Variants in TMEM125 observed in about 807,000 individuals in gnomAD.
The protein encoded by TMEM125 is transmembrane protein 125.
TMEM125 carries 11 observed loss-of-function variants against 8.7 expected under a neutral mutation model. That is an observed-to-expected ratio of 1.26 (90% confidence interval 0.79 to 2.08). The LOEUF (loss-of-function observed/expected upper bound fraction) is 2.08. Among genes scored for constraint, TMEM125 ranks in the 30% most tolerant of loss-of-function variants. TMEM125 has a pLI of 0.00. For synonymous variants in TMEM125, 144 were observed against 146.1 expected (o/e 0.99, Z 0.10); for missense variants, 270 against 302.4 (o/e 0.89, Z 0.79).
rs1189149039 is a variant in TMEM125, at chr1:43,272,865, G to C, written c.143G>C (p.Cys48Ser). The C allele has an allele frequency of 2.5e-6, 4 of 1,583,204 alleles. No individual in the cohort carries two copies. The Admixed American group carries it at 7.1e-5, about 28-fold the overall frequency. Residue 48 changes from cysteine (C) to serine (S), a missense_variant, in exon 4 of 4, where the codon TGT (cysteine) becomes TCT (serine). By Grantham distance (112) the Cys-to-Ser change is moderately radical (BLOSUM62 -1). Around this residue, in one of 3 missense-constraint regions of TMEM125, gnomAD observed 215 missense variants for 216.5 expected, o/e 0.99. Transcript: ENST00000439858. The surrounding 1 kb of genome is among the most constrained non-coding windows in gnomAD (Gnocchi z 5.0). ...FVVAVGLVAG[C>S]GAGGVALLST... is the part of the protein sequence containing the mutation. ...GTGGCCGTGGGCCTCGTGGCAGGCT[G>C]TGGCGCGGGCGGCGTGGCACTGCTG...
rs949272995 is a variant in TMEM125 at position 43,270,527 on chromosome 1, G to A, written c.-414-154G>A. On this transcript the variant is annotated intron_variant, in intron 1 of 3. Transcript: ENST00000439858. ...TAGACGACATTCCTCCTGCTGCCCA[G>A]GTCTGCGAATTGTGTTCCGAGCCCT... 9.2e-5 allele frequency: 14 copies of A among 152,418 alleles called. 1 individual carries two copies. Among genetic ancestry groups the A allele is most frequent in the Admixed American group, 9.2e-4 (14 of 15,280 alleles). 9.4% of individuals were successfully genotyped at this position (152,418 alleles called of 1,614,324 possible).
At chr1:43,270,939 G>C (rs917820110) in intron 2 of TMEM125, 146 bp downstream of exon 2, 5 of 151,992 alleles carry the variant, frequency 3.3e-5, no homozygotes, top group African/African-American at 1.2e-4. Flanking sequence ...CGAAGTCACA[G>C]CCCAGGGGAA....
Position 43,273,305 on chromosome 1 carries a change from A to G in TMEM125, c.583A>G (p.Ser195Gly). The G allele has an allele frequency of 6.2e-7, 1 of 1,613,998 alleles. No individual in the cohort carries two copies. ...CCACAGTGGCCATGGCGGCCATGGC[A>G]GCATCTTCAGCATCTCAGGACAGTT... ...STHSGHGGHG[S>G]IFSISGQLSA... The change falls in exon 4 of 4, where the codon AGC (serine) becomes GGC (glycine). Residue 195 changes from serine (S) to glycine (G), a missense_variant. Transcript: ENST00000439858.
chr1:43,270,287 G>A (rs1646481767), intron 1 of TMEM125, among the ~76,000 whole-genome samples: 1 of 151,708 alleles, frequency 6.6e-6, no homozygotes, highest in Non-Finnish European at 1.5e-5. Context: ...CAGATTAGGG[G>A]TTGGATTTGG....
rs183608733 is a variant in TMEM125 at position 43,271,411 on chromosome 1, C to T, written c.-302+618C>T. Among the ~76,000 whole-genome samples, 784 of 152,336 alleles carry T rather than the reference C, an allele frequency of 5.1e-3. 7 individuals carry two copies. The highest frequency in any genetic ancestry group is 7.3e-3 in the Non-Finnish European group (498 of 68,028). ...CTCTGGGCTGACTAACCCACACCCA[C>T]ACTTAGCACAGGCACTGGCCTGCTT... is the stretch of plus-strand genomic sequence containing the variant. On this transcript the variant is annotated intron_variant, in intron 2 of 3. Transcript: ENST00000439858. This position sits in a 1 kb window ranked among gnomAD's most constrained non-coding sequence, Gnocchi z 4.9.
At position 43,272,841 on chromosome 1, in the gene TMEM125, T is replaced by C; in HGVS notation, c.119T>C (p.Val40Ala). ...QPRRSALCFV[V>A]AVGLVAGCGA... Reference sequence around the variant, plus strand: ...CGGCGCTCGGCGCTCTGCTTCGTCGTGGCCGTGGGCCTCGTGGCAGGCTGT... The same window carrying C: ...CGGCGCTCGGCGCTCTGCTTCGTCGCGGCCGTGGGCCTCGTGGCAGGCTGT... Residue 40 changes from valine to alanine, a missense_variant, in exon 4 of 4, where the codon GTG becomes GCG. Coordinates refer to ENST00000439858, the MANE Select transcript of TMEM125 (RefSeq NM_144626.3). The surrounding 1 kb of genome is among the most constrained non-coding windows in gnomAD (Gnocchi z 5.0). 1.3e-6 allele frequency: 2 copies of C among 1,577,318 alleles called. No homozygotes were observed. Among genetic ancestry groups the C allele is most frequent in the Non-Finnish European group, 1.7e-6 (2 of 1,158,724 alleles).
At position 43,272,445 on chromosome 1, in the gene TMEM125, C is replaced by A; in HGVS notation, c.-146+106C>A. 1 of 357,092 alleles carries A rather than the reference C, an allele frequency of 2.8e-6. No homozygotes were observed. The highest frequency in any genetic ancestry group is 4.5e-5 in the East Asian group (1 of 22,410). 22.1% of individuals were successfully genotyped at this position (357,092 alleles called of 1,614,324 possible). On this transcript the variant is annotated intron_variant, in intron 3 of 3. Transcript: ENST00000439858. This position sits in a 1 kb window ranked among gnomAD's most constrained non-coding sequence, Gnocchi z 5.0. ...GAGCCATTCCCAAGGGACAGTACTG[C>A]AGAGGGGGCTATCCCAGGGGAGATT...
Position 43,273,616 on chromosome 1 carries a change from T to G in TMEM125, c.*234T>G. The stretch of plus-strand genomic sequence containing the variant: ...AACTGGGTGTTGGTGTCCATGGAAC[T>G]TCCTCTCTGTATCTCAGGTCAGTAG... On this transcript the variant is annotated 3_prime_UTR_variant, in exon 4 of 4. Transcript: ENST00000439858. The G allele has an allele frequency of 3.4e-6, 2 of 596,568 alleles. No individual in the cohort carries two copies. The highest frequency in any genetic ancestry group is 2.9e-5 in the East Asian group (1 of 34,456). 37.0% of individuals were successfully genotyped at this position (596,568 alleles called of 1,614,324 possible). A position where few individuals can be genotyped will look rare whatever the true frequency, so the allele number is the denominator to read the frequency against.
Position 43,273,037 on chromosome 1 carries a change from G to A in TMEM125, c.315G>A (p.Leu105=), listed in dbSNP as rs753289487. 1 of 1,612,234 alleles carries A rather than the reference G, an allele frequency of 6.2e-7. No individual in the cohort carries two copies. The highest frequency in any genetic ancestry group is 8.5e-7 in the Non-Finnish European group (1 of 1,178,842). ...NCIRQAHHVA[L]LRSGGGADAL... ...TCCGCCAGGCCCACCATGTGGCCCT[G>A]CTGCGCAGTGGTGGAGGGGCCGACG... is the stretch of plus-strand genomic sequence containing the variant. Residue 105 remains leucine, a synonymous_variant, in exon 4 of 4, where the codon CTG becomes CTA. Transcript: ENST00000439858.
At position 43,271,470 on chromosome 1, in the gene TMEM125, C is replaced by G. The variant is rs1646490550; in HGVS notation, c.-302+677C>G. On this transcript the variant is annotated intron_variant, in intron 2 of 3. Transcript: ENST00000439858. This position sits in a 1 kb window ranked among gnomAD's most constrained non-coding sequence, Gnocchi z 4.9. ...CTCTGTCTTCTGCTGCAGACTGGGG[C>G]TCCTTGAAGGCAGGGACCTCATGTG... is the stretch of plus-strand genomic sequence containing the variant. 6.6e-6 allele frequency among the ~76,000 whole-genome samples: 1 copy of G among 152,226 alleles called. No individual in the cohort carries two copies. The highest frequency in any genetic ancestry group is 2.1e-4 in the South Asian group (1 of 4,834).
rs1646496258 is a variant in TMEM125 at position 43,272,335 on chromosome 1, G to A, written c.-150G>A. ...CCAGCGACTGAGAGAGCCAGAGGCA[G>A]AGAGGTCAGGGCCTGGGTGAGGGGA... On this transcript the variant is annotated 5_prime_UTR_variant, in exon 3 of 4. Transcript: ENST00000439858. This position sits in a 1 kb window ranked among gnomAD's most constrained non-coding sequence, Gnocchi z 5.0. 1.2e-5 allele frequency: 2 copies of A among 166,448 alleles called. No individual in the cohort carries two copies. Among genetic ancestry groups the A allele is most frequent in the South Asian group, 4.0e-4 (2 of 4,968 alleles). 10.3% of individuals were successfully genotyped at this position (166,448 alleles called of 1,614,324 possible).
chr1:43,272,438 A>C lies in TMEM125; in HGVS notation c.-146+99A>C. 3 of 311,944 alleles carry C rather than the reference A, an allele frequency of 9.6e-6. No individual in the cohort carries two copies. 19.3% of individuals were successfully genotyped at this position (311,944 alleles called of 1,614,324 possible). On this transcript the variant is annotated intron_variant, in intron 3 of 3. Coordinates refer to ENST00000439858, the MANE Select transcript of TMEM125 (RefSeq NM_144626.3). This position sits in a 1 kb window ranked among gnomAD's most constrained non-coding sequence, Gnocchi z 5.0. ...CATTGGAGAGCCATTCCCAAGGGAC[A>C]GTACTGCAGAGGGGGCTATCCCAGG...
rs1646511890 is a variant in TMEM125, at chr1:43,273,693, T to C, written c.*311T>C. 1 of 429,948 alleles carries C rather than the reference T, an allele frequency of 2.3e-6. No individual in the cohort carries two copies. The highest frequency in any genetic ancestry group is 2.0e-5 in the African/African-American group (1 of 50,106). 26.6% of individuals were successfully genotyped at this position (429,948 alleles called of 1,614,324 possible). A position where few individuals can be genotyped will look rare whatever the true frequency, so the allele number is the denominator to read the frequency against. The stretch of plus-strand genomic sequence containing the variant: ...TCTTGAGCCCCATTTCCAAGACCCC[T>C]CACATCCAATCCTGTCCTGTAACAT... On this transcript the variant is annotated 3_prime_UTR_variant, in exon 4 of 4. Coordinates refer to ENST00000439858, the MANE Select transcript of TMEM125 (RefSeq NM_144626.3).
At position 43,273,699 on chromosome 1, in the gene TMEM125, C is replaced by T. The variant is rs1313361055; in HGVS notation, c.*317C>T. On this transcript the variant is annotated 3_prime_UTR_variant, in exon 4 of 4. Coordinates refer to ENST00000439858, the MANE Select transcript of TMEM125 (RefSeq NM_144626.3). ...GCCCCATTTCCAAGACCCCTCACAT[C>T]CAATCCTGTCCTGTAACATCCATCA... 4.9e-6 allele frequency: 2 copies of T among 407,688 alleles called. No individual in the cohort carries two copies. The highest frequency in any genetic ancestry group is 9.4e-6 in the Non-Finnish European group (2 of 212,956). The allele number at this position is 407,688 out of a possible 1,614,324, so 25.3% of individuals were successfully genotyped here. A position where few individuals can be genotyped will look rare whatever the true frequency, so the allele number is the denominator to read the frequency against.
chr1:43,273,341 C>G lies in TMEM125; in HGVS notation c.619C>G (p.Arg207Gly). Residue 207 changes from arginine (R) to glycine (G), a missense_variant, in exon 4 of 4, where the codon CGG becomes GGG. By Grantham distance (125) the Arg-to-Gly change is moderately radical (BLOSUM62 -2). Coordinates refer to ENST00000439858, the MANE Select transcript of TMEM125 (RefSeq NM_144626.3). ...FSISGQLSAG[R>G]RHETTSSIAS... ...CATCTCAGGACAGTTGTCTGCTGGC[C>G]GGCGTCACGAGACCACATCCAGCAT... 1 of 1,611,924 alleles carries G rather than the reference C, an allele frequency of 6.2e-7. No individual in the cohort carries two copies. The highest frequency in any genetic ancestry group is 8.5e-7 in the Non-Finnish European group (1 of 1,178,154).
chr1:43,272,672 C>T lies in TMEM125; in HGVS notation c.-51C>T. ...AGGTGCTCCAGGCTGTGATCTGAACCCTCTGACCCCTGACATTGACCTCCT... is the reference window on the plus strand; with the variant it reads ...AGGTGCTCCAGGCTGTGATCTGAACTCTCTGACCCCTGACATTGACCTCCT... On this transcript the variant is annotated 5_prime_UTR_variant, in exon 4 of 4. Coordinates refer to ENST00000439858, the MANE Select transcript of TMEM125 (RefSeq NM_144626.3). The surrounding 1 kb of genome is among the most constrained non-coding windows in gnomAD (Gnocchi z 5.0). 7.0e-7 allele frequency: 1 copy of T among 1,437,768 alleles called. No homozygotes were observed. Among genetic ancestry groups the T allele is most frequent in the Non-Finnish European group, 9.1e-7 (1 of 1,097,224 alleles). The allele number at this position is 1,437,768 out of a possible 1,614,324, so 89.1% of individuals were successfully genotyped here.
Position 43,273,652 on chromosome 1 carries a change from G to A in TMEM125, c.*270G>A, listed in dbSNP as rs181074833. 2.5e-4 allele frequency: 128 copies of A among 519,370 alleles called. No homozygotes were observed. Among genetic ancestry groups the A allele is most frequent in the Non-Finnish European group, 4.1e-4 (117 of 282,318 alleles). 32.2% of individuals were successfully genotyped at this position (519,370 alleles called of 1,614,324 possible). A position where few individuals can be genotyped will look rare whatever the true frequency, so the allele number is the denominator to read the frequency against. On this transcript the variant is annotated 3_prime_UTR_variant, in exon 4 of 4. Transcript: ENST00000439858. ...ATCTCAGGTCAGTAGGCGCAGAAAC[G>A]CCTCATGATGAAGATTCTTGAGCCC... is the stretch of plus-strand genomic sequence containing the variant.
At position 43,273,833 on chromosome 1, in the gene TMEM125, C is replaced by G. The variant is rs952086098; in HGVS notation, c.*451C>G. 2.7e-5 allele frequency: 5 copies of G among 186,276 alleles called. No homozygotes were observed. The highest frequency in any genetic ancestry group is 9.5e-5 in the African/African-American group (4 of 42,036). The allele number at this position is 186,276 out of a possible 1,614,324, so 11.5% of individuals were successfully genotyped here. On this transcript the variant is annotated 3_prime_UTR_variant, in exon 4 of 4. Transcript: ENST00000439858. ...AAAGAATATGGGCTCTGCAATGAGA[C>G]AGACCTGGAGGGGACTCTCCCGTTG...
Position 43,273,296 on chromosome 1 carries a change from GGCCATGGCA to G in TMEM125, c.577_585del (p.His193_Ser195del). The G allele has an allele frequency of 1.2e-6, 2 of 1,614,024 alleles. No individual in the cohort carries two copies. Among genetic ancestry groups the G allele is most frequent in the Non-Finnish European group, 1.7e-6 (2 of 1,179,976 alleles). On this transcript the variant is annotated inframe_deletion, in exon 4 of 4. Transcript: ENST00000439858. ...TCCCTCCACCCACAGTGGCCATGGC[GGCCATGGCA>G]GCATCTTCAGCATCTCAGGACAGTT... is the stretch of plus-strand genomic sequence containing the variant.
Sources: gnomAD v4.1 joint callset for allele counts (sites outside exome capture counted in the v4.1 genomes callset) on GRCh38, gnomAD v4.1.1 for gene constraint, gnomAD v4.1.1 regional missense constraint, Gnocchi (gnomAD v3.1) non-coding constraint, MANE v1.5 for transcripts, NCBI Gene and HGNC (gene_info 2026-07-23, HGNC 2026-07-21) for gene names.